Variants in GLIS3 observed in about 807,000 individuals in gnomAD.
GLIS3 encodes the protein zinc finger protein GLIS3.
A neutral mutation model predicts 78.6 loss-of-function variants in GLIS3; 53 were observed. That is an observed-to-expected ratio of 0.67 (90% confidence interval 0.54 to 0.85). The LOEUF is 0.85. Among genes scored for constraint, GLIS3 ranks in the 40% least tolerant of loss-of-function variants. The pLI is 0.00. For missense variants in GLIS3, 1,703 were observed against 1,231.1 expected (o/e 1.38, Z -5.74); for synonymous variants, 684 against 509.9 (o/e 1.34, Z -4.60).
chr9:4,048,117 G>C (rs1825406203), intron 4 of GLIS3, among the ~76,000 whole-genome samples: 4 of 152,208 alleles, frequency 2.6e-5, no homozygotes, highest in Non-Finnish European at 5.9e-5. Flanking sequence ...ATTTACTGCA[G>C]TTCTGTGTGT....
chr9:4,379,471 ATT>A, the GLIS3 span, among the ~76,000 whole-genome samples: 4 of 152,258 alleles, frequency 2.6e-5, no homozygotes, highest in Admixed American at 1.3e-4. Context: ...GATTGACAAC[ATT>A]AGTCCCTTCT....
chr9:3,986,243 TA>T (rs1295016492), intron 4 of GLIS3, among the ~76,000 whole-genome samples: 1 of 152,176 alleles, frequency 6.6e-6, no homozygotes, highest in East Asian at 1.9e-4. Context: ...AGAGAAGATG[TA>T]AATGTGTTCA....
At position 4,335,298 on chromosome 9, in the gene GLIS3, A is replaced by G. The variant is rs76974078; in HGVS notation, n.264+11783T>C. Among the ~76,000 whole-genome samples the G allele has an allele frequency of 4.2e-4, 64 of 152,356 alleles. 1 individual carries two copies. Among genetic ancestry groups the G allele is most frequent in the African/African-American group, 1.4e-3 (60 of 41,592 alleles). On this transcript the variant is annotated intron_variant and non_coding_transcript_variant, in intron 2 of 4. Coordinates refer to the GLIS3 transcript ENST00000471664. ...ATAACTCCAGTGACGATCAAAGTCTATACCACAAAGTGAAATGAAGCCCTA... is the reference window on the plus strand; with the variant it reads ...ATAACTCCAGTGACGATCAAAGTCTGTACCACAAAGTGAAATGAAGCCCTA...
At chr9:4,393,791 T>C in the GLIS3 span, among the ~76,000 whole-genome samples, 11 of 152,228 alleles carry the variant, frequency 7.2e-5, no homozygotes, top group African/African-American at 2.7e-4. Flanking sequence ...TTCTCCATTT[T>C]TAGTAATGTT....
At chr9:4,131,227 T>G (rs1205272027) in intron 2 of GLIS3, among the ~76,000 whole-genome samples, 2 of 152,248 alleles carry the variant, frequency 1.3e-5, no homozygotes, top group South Asian at 2.1e-4. Flanking sequence ...GCACTAGCCT[T>G]GTCTCAGATG....
intron 7 of GLIS3, among the ~76,000 whole-genome samples, chr9:3,897,401 GAC>G (rs1343134741): frequency 1.2e-4 from 19 of 152,036 alleles, no homozygotes; most frequent in Admixed American, 7.9e-4. Context: ...GAACAAATCA[GAC>G]ACACAAAAAC....
At chr9:3,967,692 G>A (rs1818057316) in intron 4 of GLIS3, among the ~76,000 whole-genome samples, 1 of 152,170 alleles carries the variant, frequency 6.6e-6, no homozygotes, top group African/African-American at 2.4e-5. Flanking sequence ...GTTACATGAA[G>A]TGACCTGGAG....
At chr9:4,037,582 A>G (rs1015284163) in intron 4 of GLIS3, among the ~76,000 whole-genome samples, 46 of 150,602 alleles carry the variant, frequency 3.1e-4, no homozygotes, top group African/African-American at 1.1e-3. Context: ...ACACACACAC[A>G]CAGAGACAAT....
At chr9:4,024,495 C>T (rs1823149665) in intron 4 of GLIS3, among the ~76,000 whole-genome samples, 1 of 152,146 alleles carries the variant, frequency 6.6e-6, no homozygotes, top group Non-Finnish European at 1.5e-5. Context: ...GTGGCCACTG[C>T]TTAAATCTAA....
chr9:3,993,240 G>T (rs1437730392), intron 4 of GLIS3, among the ~76,000 whole-genome samples: 1 of 152,164 alleles, frequency 6.6e-6, no homozygotes, highest in East Asian at 1.9e-4. Context: ...CTGTTTGTCA[G>T]ATCAGGATCT....
chr9:4,464,044 A>G, the GLIS3 span, among the ~76,000 whole-genome samples: 3 of 152,158 alleles, frequency 2.0e-5, no homozygotes, highest in African/African-American at 4.8e-5. Context: ...AGTGTAGAAC[A>G]TGAGGAGCCT....
chr9:4,151,465 A>C (rs1586818393), intron 2 of GLIS3, among the ~76,000 whole-genome samples: 1 of 152,240 alleles, frequency 6.6e-6, no homozygotes, highest in Non-Finnish European at 1.5e-5. Context: ...CAGGGAGAGC[A>C]AGCACCTTGC....
intron 2 of GLIS3, among the ~76,000 whole-genome samples, chr9:4,133,256 A>G (rs1037860015): frequency 6.6e-6 from 1 of 152,218 alleles, no homozygotes; most frequent in African/African-American, 2.4e-5. Flanking sequence ...TGAATTCAAG[A>G]CACTTAGCAA....
intron 2 of GLIS3, among the ~76,000 whole-genome samples, chr9:4,276,567 G>A (rs1040473725): frequency 6.8e-6 from 1 of 147,404 alleles, no homozygotes; most frequent in South Asian, 2.2e-4. Context: ...GGGAGGGGAG[G>A]GAAGAGAAGA....
intron 8 of GLIS3, among the ~76,000 whole-genome samples, chr9:3,872,167 CCTCAGCCTTGACTTTATTGTCCGTAT>C (rs1348115563): frequency 6.6e-6 from 1 of 152,236 alleles, no homozygotes; most frequent in Non-Finnish European, 1.5e-5. Flanking sequence ...TCTGAGACCA[CCTCAGCCTTGACTTTATTGTCCGTAT>C]CTCTATCAGC....
chr9:3,856,347 CTCCCCACT>C (rs1819790607), intron 8 of GLIS3, among the ~76,000 whole-genome samples, 163 bp from the exon 9 acceptor site: 1 of 152,166 alleles, frequency 6.6e-6, no homozygotes, highest in Non-Finnish European at 1.5e-5. Context: ...CCCTCTCTCC[CTCCCCACT>C]GCCATTTAAC....
At chr9:4,473,681 A>G in the GLIS3 span, among the ~76,000 whole-genome samples, 1 of 152,084 alleles carries the variant, frequency 6.6e-6, no homozygotes, top group African/African-American at 2.4e-5. Context: ...AGGAAAAGTA[A>G]CTAAGCTTAA....
At chr9:3,980,168 G>A (rs1404999745) in intron 4 of GLIS3, among the ~76,000 whole-genome samples, 2 of 152,164 alleles carry the variant, frequency 1.3e-5, no homozygotes, top group Non-Finnish European at 2.9e-5. Flanking sequence ...AAAGTAAGAG[G>A]TCTGCTGCTT....
chr9:4,119,676 G>C (rs189826267), intron 3 of GLIS3, among the ~76,000 whole-genome samples: 298 of 152,278 alleles, frequency 2.0e-3, no homozygotes, highest in Non-Finnish European at 3.3e-3. Context: ...GCAGCTTTGG[G>C]CCAAGAGCAG....
Sources: allele counts gnomAD v4.1 joint callset (sites outside exome capture counted in the v4.1 genomes callset), GRCh38; gene constraint gnomAD v4.1.1; transcripts MANE v1.5; gene names NCBI Gene and HGNC (gene_info 2026-07-23, HGNC 2026-07-21).